The following ADGRB3 variants were observed in gnomAD, a reference collection of about 807,000 sequenced individuals.
The protein encoded by ADGRB3 is adhesion G protein-coupled receptor B3, also known as brain-specific angiogenesis inhibitor 3.
A neutral mutation model predicts 193.4 loss-of-function variants in ADGRB3; 37 were observed. That is an observed-to-expected ratio of 0.19 (90% CI 0.15 to 0.25). ADGRB3 has a LOEUF of 0.25. ADGRB3 is among the 10% of genes least tolerant of loss of function. The pLI is 1.00. For synonymous variants in ADGRB3, 690 were observed against 644.2 expected, an observed-to-expected ratio of 1.07 and a Z score of -1.08; for missense variants, 1,637 against 1,852.9, an observed-to-expected ratio of 0.88 and a Z score of 2.14.
intron 11 of ADGRB3, among the ~76,000 whole-genome samples, chr6:69,011,122 T>C (rs1252316974): frequency 7.7e-6 from 1 of 130,504 alleles, no homozygotes; most frequent in Non-Finnish European, 1.6e-5. Context: ...AGTATGTGTA[T>C]ATATACATAT....
chr6:69,061,205 A>C (rs1771737740), intron 15 of ADGRB3, among the ~76,000 whole-genome samples: 1 of 152,078 alleles, frequency 6.6e-6, no homozygotes, highest in Non-Finnish European at 1.5e-5. Context: ...GTGTTTAAAA[A>C]AGTGTCATTT....
chr6:68,886,234 G>T (rs962716341), intron 3 of ADGRB3, among the ~76,000 whole-genome samples: 1 of 152,038 alleles, frequency 6.6e-6, no homozygotes, highest in African/African-American at 2.4e-5. Flanking sequence ...TGTTTACCTT[G>T]CTGGACATTA....
intron 30 of ADGRB3, among the ~76,000 whole-genome samples, chr6:69,378,303 G>A (rs887247704): frequency 1.3e-5 from 2 of 152,014 alleles, no homozygotes; most frequent in Non-Finnish European, 2.9e-5. Flanking sequence ...ATTTTAAAAA[G>A]ACATAATTAC....
intron 17 of ADGRB3, among the ~76,000 whole-genome samples, chr6:69,157,686 G>C (rs1316180912): frequency 6.8e-6 from 1 of 147,106 alleles, no homozygotes; most frequent in African/African-American, 2.5e-5. Flanking sequence ...GCCATTGAAA[G>C]TAATATCTCT....
chr6:69,031,026 CCTCTTCTCTTCTCTCTT>C (rs1770643091), intron 13 of ADGRB3, among the ~76,000 whole-genome samples: 3 of 26,862 alleles, frequency 1.1e-4, no homozygotes, highest in Non-Finnish European at 2.2e-4. Flanking sequence ...TTTTTTTTTT[CCTCTTCTCTTCTCTCTT>C]CTCTTCTCTT....
At chr6:69,232,608 A>G (rs1241432672) in intron 17 of ADGRB3, 1 of 1,535,526 alleles carries the variant, frequency 6.5e-7, no homozygotes, top group Non-Finnish European at 8.7e-7. Flanking sequence ...GGACTGAGTG[A>G]AGTGTGGAGT....
chr6:68,723,022 G>T (rs946282425), intron 3 of ADGRB3, among the ~76,000 whole-genome samples: 5 of 151,786 alleles, frequency 3.3e-5, no homozygotes, highest in South Asian at 2.1e-4. Flanking sequence ...TGGTGAACTT[G>T]CCTGTTGGAC....
At chr6:68,887,544 T>A (rs115104417) in intron 3 of ADGRB3, among the ~76,000 whole-genome samples, 2,552 of 152,192 alleles carry the variant, frequency 0.017, 56 homozygotes, top group African/African-American at 0.058. Flanking sequence ...TAGTGGAGTT[T>A]CTTACATCTG....
intron 17 of ADGRB3, among the ~76,000 whole-genome samples, chr6:69,115,858 A>G (rs1773516762): frequency 6.6e-6 from 1 of 152,214 alleles, no homozygotes; most frequent in African/African-American, 2.4e-5. Context: ...AATAAAATAA[A>G]AAAGAAAATT....
At chr6:69,004,286 T>A (rs976226328) in intron 11 of ADGRB3, among the ~76,000 whole-genome samples, 4 of 152,218 alleles carry the variant, frequency 2.6e-5, no homozygotes, top group African/African-American at 9.6e-5. Context: ...TGGTTTCTCA[T>A]GAGGCCTCTC....
chr6:68,651,312 G>A (rs1258983784), intron 3 of ADGRB3, among the ~76,000 whole-genome samples: 2 of 152,152 alleles, frequency 1.3e-5, no homozygotes, highest in East Asian at 1.9e-4. Context: ...GTAAACAGCC[G>A]TGGAGCAGCA....
At chr6:69,354,377 G>T in intron 27 of ADGRB3, 49 bp downstream of exon 27, 1 of 1,472,156 alleles carries the variant, frequency 6.8e-7, no homozygotes, top group Non-Finnish European at 9.5e-7. Flanking sequence ...GATTTCTCAA[G>T]GGAATAAAAG....
At chr6:69,318,609 C>T (rs890601649) in intron 20 of ADGRB3, among the ~76,000 whole-genome samples, 13 of 151,202 alleles carry the variant, frequency 8.6e-5, no homozygotes, top group Non-Finnish European at 1.8e-4. Flanking sequence ...CTCTTTGACC[C>T]GGAAATGGTA....
chr6:68,772,519 C>T (rs1582188013), intron 3 of ADGRB3, among the ~76,000 whole-genome samples: 2 of 151,890 alleles, frequency 1.3e-5, no homozygotes, highest in Admixed American at 1.3e-4. Context: ...GCATCTGAGA[C>T]TTATGCCTTA....
At chr6:69,013,107 G>A (rs73745914) in intron 11 of ADGRB3, among the ~76,000 whole-genome samples, 11,568 of 152,116 alleles carry the variant, frequency 0.076, 1,361 homozygotes, top group African/African-American at 0.25. Context: ...TCAAAGGCAC[G>A]CTGGTTGTTC....
chr6:69,245,112 CCTT>C (rs1766470118), intron 20 of ADGRB3, among the ~76,000 whole-genome samples: 1 of 152,020 alleles, frequency 6.6e-6, no homozygotes, highest in Admixed American at 6.6e-5. Flanking sequence ...CTTGATGTCT[CCTT>C]CTCGCTCATG....
intron 3 of ADGRB3, among the ~76,000 whole-genome samples, chr6:68,871,550 C>T (rs1476396510): frequency 1.3e-5 from 2 of 151,974 alleles, no homozygotes; most frequent in East Asian, 3.9e-4. Flanking sequence ...TGTTGATAAG[C>T]TTATTTGCCA....
At chr6:69,263,299 T>C (rs1184808567) in intron 20 of ADGRB3, among the ~76,000 whole-genome samples, 1 of 152,104 alleles carries the variant, frequency 6.6e-6, no homozygotes, top group Non-Finnish European at 1.5e-5. Flanking sequence ...CTCATTCATA[T>C]ACTATATTTC....
intron 3 of ADGRB3, among the ~76,000 whole-genome samples, chr6:68,816,364 AC>A (rs1767631198): frequency 3.6e-5 from 4 of 111,892 alleles, no homozygotes; most frequent in Admixed American, 1.6e-4. Context: ...AGAAAATATA[AC>A]TGAGTATTTA....
Sources: allele counts gnomAD v4.1 joint callset (sites outside exome capture counted in the v4.1 genomes callset), GRCh38; gene constraint gnomAD v4.1.1; transcripts MANE v1.5; gene names NCBI Gene and HGNC (gene_info 2026-07-23, HGNC 2026-07-21).